Variants in POU2F1 observed in about 807,000 individuals in gnomAD.
POU2F1 encodes the protein POU domain, class 2, transcription factor 1.
In POU2F1, 16 loss-of-function variants were observed where a neutral mutation model predicts 84.9. That is an observed-to-expected ratio of 0.19 (90% CI 0.13 to 0.29). The LOEUF (loss-of-function observed/expected upper bound fraction) is 0.29. Ranked by LOEUF, POU2F1 falls within the 10% of genes least tolerant of loss-of-function variation. POU2F1 has a pLI of 1.00. For missense variants in POU2F1, 738 were observed against 942.6 expected, an observed-to-expected ratio of 0.78 and a Z score of 2.84; for synonymous variants, 368 against 368.3, an observed-to-expected ratio of 1.00 and a Z score of 0.01.
At chr1:167,380,723 T>A (rs1647475934) in intron 7 of POU2F1, 1 of 152,236 alleles carries the variant, frequency 6.6e-6, no homozygotes, top group South Asian at 2.1e-4. Context: ...AGATTAGCCT[T>A]CAATATTGAT....
intron 5 of POU2F1, among the ~76,000 whole-genome samples, chr1:167,372,949 CTTTT>C (rs869121815): frequency 3.9e-5 from 5 of 127,350 alleles, no homozygotes; most frequent in East Asian, 4.8e-4. Flanking sequence ...TTCTTTCTTT[CTTTT>C]TTTCCCAGTT....
At chr1:167,272,246 CT>C (rs1351847619) in intron 1 of POU2F1, among the ~76,000 whole-genome samples, 4 of 147,628 alleles carry the variant, frequency 2.7e-5, no homozygotes, top group African/African-American at 1.0e-4. Context: ...GGAATAAATG[CT>C]TTTTTTGGTG....
In POU2F1 at chr1:167,281,410, T is replaced by C. The variant is rs115655755; in HGVS notation, c.62-51060T>C. ...GTAGTGATAAAAGAAAAACCTCGGC[T>C]GAATTAAATTTAAAAGAATTTAATT... On this transcript the variant is annotated intron_variant, in intron 1 of 15. Transcript: ENST00000367866. Among the ~76,000 whole-genome samples the C allele has an allele frequency of 8.0e-3, 1,213 of 152,362 alleles. 12 individuals carry two copies. The highest frequency in any genetic ancestry group is 0.022 in the South Asian group (107 of 4,826).
chr1:167,378,778 A>G (rs569654890), intron 7 of POU2F1, among the ~76,000 whole-genome samples: 148 of 151,324 alleles, frequency 9.8e-4, no homozygotes, highest in African/African-American at 3.2e-3. Context: ...TTCTTGCTCT[A>G]TTTGTTTGTT....
chr1:167,333,240 G>A lies in POU2F1; in HGVS notation c.127+705G>A, dbSNP rs552862820. 3.7e-4 allele frequency among the ~76,000 whole-genome samples: 56 copies of A among 152,216 alleles called. 1 individual carries two copies. Among genetic ancestry groups the A allele is most frequent in the Non-Finnish European group, 6.9e-4 (47 of 67,994 alleles). Reference sequence around the variant, plus strand: ...TCTGTAAAGGATGGTTTGTCTCCACGGCTCATACTCTTGAGTCAGTATATT... The same window carrying A: ...TCTGTAAAGGATGGTTTGTCTCCACAGCTCATACTCTTGAGTCAGTATATT... On this transcript the variant is annotated intron_variant, in intron 2 of 15. Transcript: ENST00000367866.
At chr1:167,352,987 G>A (rs1191184024) in intron 2 of POU2F1, among the ~76,000 whole-genome samples, 2 of 152,204 alleles carry the variant, frequency 1.3e-5, no homozygotes, top group Non-Finnish European at 2.9e-5. Flanking sequence ...GCAAAGCTGA[G>A]TAATATGAAC....
At chr1:167,226,864 A>T (rs191737300) in intron 1 of POU2F1, among the ~76,000 whole-genome samples, 59 of 152,338 alleles carry the variant, frequency 3.9e-4, no homozygotes, top group African/African-American at 1.4e-3. Context: ...AGTGTTGCCT[A>T]CATTTGCTGA....
At chr1:167,364,691 C>T (rs1181570838) in intron 2 of POU2F1, among the ~76,000 whole-genome samples, 6 of 150,690 alleles carry the variant, frequency 4.0e-5, no homozygotes, top group Non-Finnish European at 8.9e-5. Context: ...CATTCTCCCT[C>T]AGCCTCTGGA....
intron 1 of POU2F1, among the ~76,000 whole-genome samples, chr1:167,324,125 G>C (rs1272747496): frequency 6.6e-6 from 1 of 152,158 alleles, no homozygotes; most frequent in Non-Finnish European, 1.5e-5. Context: ...TACTGAATTA[G>C]ATGTGTGCAA....
chr1:167,343,080 T>C (rs1657963633), intron 2 of POU2F1, among the ~76,000 whole-genome samples: 1 of 152,128 alleles, frequency 6.6e-6, no homozygotes, highest in African/African-American at 2.4e-5. Context: ...TACAAGATTC[T>C]GATCAGTACG....
At chr1:167,359,941 TG>T (rs767466839) in intron 2 of POU2F1, among the ~76,000 whole-genome samples, 29 of 151,978 alleles carry the variant, frequency 1.9e-4, no homozygotes, top group Non-Finnish European at 1.8e-4. Flanking sequence ...TGATTAGTGA[TG>T]TTGAGCATTT....
At chr1:167,399,055 T>C in intron 11 of POU2F1, 131 bp from the exon 12 acceptor site, 1 of 716,320 alleles carries the variant, frequency 1.4e-6, no homozygotes, top group South Asian at 2.9e-5. Flanking sequence ...ACAATCTCTT[T>C]GTTGAAAGTG....
intron 1 of POU2F1, among the ~76,000 whole-genome samples, chr1:167,321,224 G>T (rs950172282): frequency 1.3e-5 from 2 of 152,192 alleles, no homozygotes; most frequent in African/African-American, 2.4e-5. Flanking sequence ...TCAATTGCTT[G>T]CCTTACATAA....
At chr1:167,239,214 C>T (rs1571143502) in intron 1 of POU2F1, among the ~76,000 whole-genome samples, 2 of 152,108 alleles carry the variant, frequency 1.3e-5, no homozygotes, top group African/African-American at 4.8e-5. Context: ...TTGTGACATA[C>T]CATTTGTCAA....
rs1368349510 is a variant in POU2F1 at position 167,424,205 on chromosome 1, A to T, written c.*8395A>T. The T allele has an allele frequency of 6.6e-6, 1 of 152,274 alleles. No individual in the cohort carries two copies. The allele number at this position is 152,274 out of a possible 1,614,324, so 9.4% of individuals were successfully genotyped here. A position where few individuals can be genotyped will look rare whatever the true frequency, so the allele number is the denominator to read the frequency against. ...CCAGCCTGAATAGGTTTAAAACTGCAAACAGTTGGAGAACATGGAACAGGT... is the reference window on the plus strand; with the variant it reads ...CCAGCCTGAATAGGTTTAAAACTGCTAACAGTTGGAGAACATGGAACAGGT... On this transcript the variant is annotated 3_prime_UTR_variant, in exon 16 of 16. Coordinates refer to ENST00000367866, the MANE Select transcript of POU2F1 (RefSeq NM_002697.4).
intron 1 of POU2F1, among the ~76,000 whole-genome samples, chr1:167,329,872 T>A (rs1166142897): frequency 2.6e-5 from 4 of 152,182 alleles, no homozygotes; most frequent in Non-Finnish European, 5.9e-5. Flanking sequence ...TTGCTAGGAT[T>A]AGTCCTCTTT....
intron 1 of POU2F1, among the ~76,000 whole-genome samples, chr1:167,251,371 C>T (rs1650714361): frequency 1.3e-5 from 2 of 152,120 alleles, no homozygotes; most frequent in Admixed American, 6.5e-5. Context: ...TGCACTCCAG[C>T]CTGGGTGACA....
chr1:167,263,850 G>C (rs1651752541), intron 1 of POU2F1, among the ~76,000 whole-genome samples: 1 of 152,162 alleles, frequency 6.6e-6, no homozygotes, highest in Non-Finnish European at 1.5e-5. Context: ...AGAGTCTTAA[G>C]AATAAAAGGG....
In POU2F1 at chr1:167,227,613, A is replaced by G. The variant is rs145618101; in HGVS notation, c.61+6655A>G. On this transcript the variant is annotated intron_variant, in intron 1 of 15. Coordinates refer to ENST00000367866, the MANE Select transcript of POU2F1 (RefSeq NM_002697.4). ...TGGCTGATTCATACTGCAGCAAGCA[A>G]TATTATAATTAATGTTTTAAAGTAG... Among the ~76,000 whole-genome samples, 555 of 152,330 alleles carry G rather than the reference A, an allele frequency of 3.6e-3. 17 individuals are homozygous for G. Among genetic ancestry groups the G allele is most frequent in the East Asian group, 0.013 (67 of 5,190 alleles).
Sources: gnomAD v4.1 joint callset for allele counts (sites outside exome capture counted in the v4.1 genomes callset) on GRCh38, gnomAD v4.1.1 for gene constraint, MANE v1.5 for transcripts, NCBI Gene and HGNC (gene_info 2026-07-23, HGNC 2026-07-21) for gene names.